WDR27: variants seen among roughly 807,000 people sequenced by gnomAD.
The protein encoded by WDR27 is WD repeat domain 27.
WDR27 carries 100 observed loss-of-function variants against 114.4 expected under a neutral mutation model. That is an observed-to-expected ratio of 0.87 (90% CI 0.74 to 1.03). The LOEUF (loss-of-function observed/expected upper bound fraction) is 1.03. Ranked by LOEUF, WDR27 falls within the 50% of genes least tolerant of loss-of-function variation. WDR27 has a pLI of 0.00. For synonymous variants in WDR27, 449 were observed against 423.1 expected, an observed-to-expected ratio of 1.06 and a Z score of -0.75; for missense variants, 1,129 against 1,092.9, an observed-to-expected ratio of 1.03 and a Z score of -0.47.
chr6:169,532,379 T>G (rs1795702442), intron 25 of WDR27, among the ~76,000 whole-genome samples: 1 of 152,166 alleles, frequency 6.6e-6, no homozygotes, highest in Non-Finnish European at 1.5e-5. Flanking sequence ...TTTACTTCAT[T>G]TATTTCTAAT....
At chr6:169,660,420 G>T (rs112535429) in intron 10 of WDR27, among the ~76,000 whole-genome samples, 2 of 152,162 alleles carry the variant, frequency 1.3e-5, no homozygotes, top group Admixed American at 6.5e-5. Context: ...AGTGCCAGGC[G>T]AGGGCCTGGC....
chr6:169,698,633 T>C (rs1004173369), intron 1 of WDR27, among the ~76,000 whole-genome samples: 6 of 152,232 alleles, frequency 3.9e-5, no homozygotes, highest in African/African-American at 1.4e-4. Context: ...ACTAAGAACA[T>C]GGCTGGACCA....
At chr6:169,472,055 T>C (rs982147109) in intron 25 of WDR27, among the ~76,000 whole-genome samples, 2 of 152,168 alleles carry the variant, frequency 1.3e-5, no homozygotes, top group African/African-American at 4.8e-5. Flanking sequence ...CACATGAAAT[T>C]TGAGGGGACA....
chr6:169,479,873 A>T (rs1418989471), intron 25 of WDR27, among the ~76,000 whole-genome samples: 3 of 152,214 alleles, frequency 2.0e-5, no homozygotes, highest in Admixed American at 6.5e-5. Flanking sequence ...CTGAGAGGTG[A>T]CAATGTGCTA....
chr6:169,651,318 C>T (rs1204839090), intron 14 of WDR27, among the ~76,000 whole-genome samples: 3 of 151,782 alleles, frequency 2.0e-5, no homozygotes, highest in Admixed American at 2.0e-4. Flanking sequence ...CCATTTTGGC[C>T]GCTATGTTAA....
chr6:169,660,644 T>G lies in WDR27; in HGVS notation c.1129+19A>C. On this transcript the variant is annotated intron_variant, in intron 10 of 25. Coordinates refer to ENST00000448612, the MANE Select transcript of WDR27 (RefSeq NM_182552.5). ...AGGAAAACATTACAGTTACATGGCG[T>G]TGAAATCAAAGATCTTACCCTTGTA... is the stretch of plus-strand genomic sequence containing the variant. 2.5e-6 allele frequency: 4 copies of G among 1,597,608 alleles called. No homozygotes were observed. Among genetic ancestry groups the G allele is most frequent in the Non-Finnish European group, 3.4e-6 (4 of 1,165,128 alleles).
the WDR27 span, among the ~76,000 whole-genome samples, chr6:169,428,379 G>A: frequency 6.6e-6 from 1 of 152,092 alleles, no homozygotes; most frequent in Non-Finnish European, 1.5e-5. Flanking sequence ...AGAAAGTTTA[G>A]AGTGGTTTTA....
At chr6:169,677,683 A>C (rs1265089147) in intron 2 of WDR27, among the ~76,000 whole-genome samples, 1 of 152,248 alleles carries the variant, frequency 6.6e-6, no homozygotes, top group African/African-American at 2.4e-5. Context: ...AAGACATTCC[A>C]GATATCTCCA....
Position 169,684,745 on chromosome 6 carries a change from C to T in WDR27, c.189+4072G>A, listed in dbSNP as rs1399772009. ...AAGCCTGAGAAACAGCTCTATGGGC[C>T]ACCCCTAATGGGCATGCCCGCAGCC... On this transcript the variant is annotated intron_variant, in intron 2 of 25. Transcript: ENST00000448612. The surrounding 1 kb of genome is among the most constrained non-coding windows in gnomAD (Gnocchi z 4.3). Among the ~76,000 whole-genome samples the T allele has an allele frequency of 6.6e-6, 1 of 152,200 alleles. No homozygotes were observed. The highest frequency in any genetic ancestry group is 1.9e-4 in the East Asian group (1 of 5,184).
At chr6:169,521,752 A>C (rs771832569) in intron 25 of WDR27, among the ~76,000 whole-genome samples, 2 of 152,040 alleles carry the variant, frequency 1.3e-5, no homozygotes, top group African/African-American at 2.4e-5. Flanking sequence ...TATTATATCT[A>C]TGTGTTTTGT....
Position 169,668,019 on chromosome 6 carries a change from C to T in WDR27, c.623G>A (p.Gly208Asp), listed in dbSNP as rs1189079434. 2 of 1,613,932 alleles carry T rather than the reference C, an allele frequency of 1.2e-6. No individual in the cohort carries two copies. Among genetic ancestry groups the T allele is most frequent in the Non-Finnish European group, 1.7e-6 (2 of 1,179,876 alleles). Residue 208 changes from glycine (G) to aspartate (D), a missense_variant, in exon 5 of 26, where the codon GGC (glycine) becomes GAC (aspartate). Coordinates refer to ENST00000448612, the MANE Select transcript of WDR27 (RefSeq NM_182552.5). ...GTCCTCAGACGCCGAGATGAGGGTG[C>T]CTGCTCGCCAGGGACAGAACTCCAC... ...TAVEFCPWRA[G>D]TLISASEDRG...
At chr6:169,670,741 A>C in intron 3 of WDR27, 48 bp from the exon 4 acceptor site, 1 of 1,607,750 alleles carries the variant, frequency 6.2e-7, no homozygotes, top group Non-Finnish European at 8.5e-7. Flanking sequence ...TGCATTCAGC[A>C]TTACATTAAT....
chr6:169,660,114 C>A (rs1274550643), intron 10 of WDR27, among the ~76,000 whole-genome samples: 1 of 143,692 alleles, frequency 7.0e-6, no homozygotes, highest in Non-Finnish European at 1.5e-5. Context: ...TCAGAAGTCG[C>A]CTGGGCTCCT....
intron 21 of WDR27, among the ~76,000 whole-genome samples, chr6:169,624,460 G>A (rs376295983): frequency 3.9e-5 from 6 of 152,102 alleles, no homozygotes; most frequent in Admixed American, 3.3e-4. Flanking sequence ...TGAATGAAAC[G>A]CTCGTGTCCA....
At chr6:169,615,294 G>A (rs1361827606) in intron 21 of WDR27, among the ~76,000 whole-genome samples, 4 of 152,084 alleles carry the variant, frequency 2.6e-5, no homozygotes, top group African/African-American at 9.7e-5. Flanking sequence ...TTGTGGCACA[G>A]GGGTTTGTTG....
intron 1 of WDR27, among the ~76,000 whole-genome samples, chr6:169,694,923 T>C (rs1473535895): frequency 6.6e-6 from 1 of 152,244 alleles, no homozygotes. Context: ...ATGTTTGAAT[T>C]AATCACGTAA....
intron 14 of WDR27, among the ~76,000 whole-genome samples, chr6:169,650,346 A>C (rs1584902748): frequency 1.1e-5 from 1 of 94,246 alleles, no homozygotes; most frequent in African/African-American, 4.3e-5. Context: ...TCCATCCCTC[A>C]TCTCTGCATC....
In WDR27 at chr6:169,613,711, G is replaced by A. The variant is rs984356083; in HGVS notation, c.2224-55C>T. 3.0e-5 allele frequency: 44 copies of A among 1,450,260 alleles called. No homozygotes were observed. In the East Asian group the frequency reaches 3.7e-4, roughly 12 times the overall value. 89.8% of individuals were successfully genotyped at this position (1,450,260 alleles called of 1,614,324 possible). The stretch of plus-strand genomic sequence containing the variant: ...ACTTTCAAAGGTTGAGTTAATAAGC[G>A]TTATGCTAATGATATCTCATAATAG... On this transcript the variant is annotated intron_variant, in intron 21 of 25. Transcript: ENST00000448612.
intron 1 of WDR27, among the ~76,000 whole-genome samples, chr6:169,696,143 G>A (rs1785880724): frequency 6.6e-6 from 1 of 152,168 alleles, no homozygotes; most frequent in Non-Finnish European, 1.5e-5. Flanking sequence ...GAATACAAGT[G>A]CCTACAAAAT....
Sources: gnomAD v4.1 joint callset for allele counts (sites outside exome capture counted in the v4.1 genomes callset) on GRCh38, gnomAD v4.1.1 for gene constraint, Gnocchi (gnomAD v3.1) non-coding constraint, MANE v1.5 for transcripts, NCBI Gene and HGNC (gene_info 2026-07-23, HGNC 2026-07-21) for gene names.